The following H3-3A variants were observed in gnomAD, a reference collection of about 807,000 sequenced individuals.
H3-3A encodes H3.3 histone A.
For synonymous variants in H3-3A, 49 were observed against 61.4 expected (o/e 0.80, Z 0.95); for missense variants, 7 against 184.0 (o/e 0.04, Z 5.57).
intron 3 of H3-3A, chr1:226,066,887 G>C (rs546890878): frequency 6.6e-6 from 1 of 152,306 alleles, no homozygotes; most frequent in South Asian, 2.1e-4. Context: ...AATTGGTCGA[G>C]CTGTTTCTAT....
chr1:226,062,672 GGGCGGGGC>G (rs1657765458), upstream of H3-3A: 1 of 152,638 alleles, frequency 6.6e-6, no homozygotes, highest in Non-Finnish European at 1.5e-5. Context: ...CGCGGCGCGG[GGGCGGGGC>G]GGCGTGTGTT....
chr1:226,065,959 A>C, intron 3 of H3-3A, 150 bp downstream of exon 3: 1 of 714,920 alleles, frequency 1.4e-6, no homozygotes, highest in South Asian at 1.6e-5. Context: ...AGAAAGGTTA[A>C]ATTGCTCAAG....
chr1:226,065,217 G>T (rs902597904), intron 2 of H3-3A, among the ~76,000 whole-genome samples: 1 of 152,194 alleles, frequency 6.6e-6, no homozygotes, highest in African/African-American at 2.4e-5. Context: ...CTGGGAAATA[G>T]AACTTGAATG....
At chr1:226,062,652 T>C (rs930390470), upstream of H3-3A, 1 of 141,290 alleles carries the variant, frequency 7.1e-6, no homozygotes, top group Admixed American at 6.9e-5. Context: ...TTGTGTGTGA[T>C]TGGCTGGCGC....
chr1:226,071,202 G>A (rs1445443660), intron 3 of H3-3A, 149 bp from the exon 4 acceptor site: 19 of 611,674 alleles, frequency 3.1e-5, no homozygotes, highest in Non-Finnish European at 4.8e-5. Context: ...CCCACAGGTT[G>A]TAAAATGTAA....
chr1:226,065,969 G>A, intron 3 of H3-3A, 160 bp downstream of exon 3: 1 of 655,404 alleles, frequency 1.5e-6, no homozygotes, highest in Non-Finnish European at 2.8e-6. Context: ...AATTGCTCAA[G>A]GTCATACACG....
In H3-3A at chr1:226,064,329, G is replaced by T. The variant is rs755498165; in HGVS notation, c.-23G>T. On this transcript the variant is annotated splice_region_variant and 5_prime_UTR_variant, in exon 2 of 4. Coordinates refer to ENST00000366815, the MANE Select transcript of H3-3A (RefSeq NM_002107.7). ...ATTTTTGATTTTTCAATGCTGGTAG[G>T]TAAGTAAGGAGGTCTCTGTACCATG... The T allele has an allele frequency of 2.5e-6, 4 of 1,604,514 alleles. No homozygotes were observed. In the African/African-American group the frequency reaches 5.4e-5, roughly 22 times the overall value.
In H3-3A at chr1:226,065,683, T is replaced by A. The variant is rs532021950; in HGVS notation, c.156T>A (p.Ile52=). The A allele has an allele frequency of 1.2e-5, 20 of 1,607,578 alleles. No homozygotes were observed. In the Admixed American group the frequency reaches 3.4e-4, roughly 27 times the overall value. The change falls in exon 3 of 4, where the codon ATT becomes ATA. Residue 52 remains isoleucine (I), a synonymous_variant. Coordinates refer to ENST00000366815, the MANE Select transcript of H3-3A (RefSeq NM_002107.7). The stretch of plus-strand genomic sequence containing the variant: ...CTGGTACTGTGGCGCTCCGTGAAAT[T>A]AGACGTTATCAGAAGTCCACTGAAC... ...YRPGTVALRE[I]RRYQKSTELL... is the part of the protein sequence containing the mutation.
chr1:226,070,556 G>A (rs922070502), intron 3 of H3-3A, among the ~76,000 whole-genome samples: 32 of 152,166 alleles, frequency 2.1e-4, no homozygotes, highest in Admixed American at 1.2e-3. Flanking sequence ...GGTGGATCAC[G>A]AGGTCAGGAG....
chr1:226,069,766 G>T (rs781075871), intron 3 of H3-3A, among the ~76,000 whole-genome samples: 4 of 152,192 alleles, frequency 2.6e-5, no homozygotes, highest in Non-Finnish European at 5.9e-5. Context: ...GGGAGGTGGA[G>T]GTTGCAGTGA....
upstream of H3-3A, chr1:226,062,071 C>T (rs919910657): frequency 3.3e-5 from 5 of 152,212 alleles, no homozygotes; most frequent in African/African-American, 1.2e-4. Context: ...GTCGGTCCGC[C>T]CCTCCCGCTG....
chr1:226,065,099 A>G (rs1238754801), intron 2 of H3-3A, among the ~76,000 whole-genome samples: 1 of 152,214 alleles, frequency 6.6e-6, no homozygotes. Context: ...TCTTGCTGAC[A>G]ATTACTTAGT....
chr1:226,070,121 A>C (rs1156408289), intron 3 of H3-3A, among the ~76,000 whole-genome samples: 2 of 152,218 alleles, frequency 1.3e-5, no homozygotes, highest in Non-Finnish European at 2.9e-5. Flanking sequence ...AAATTGGGGT[A>C]CGTAGAGGAA....
Position 226,064,393 on chromosome 1 carries a change from T to G in H3-3A, c.42T>G (p.Gly14=), listed in dbSNP as rs772383036. ...TKQTARKSTG[G]KAPRKQLATK... is the part of the protein sequence containing the mutation. ...AGACTGCCCGCAAATCGACCGGTGG[T>G]AAAGCACCCAGGAAGCAACTGGCTA... The change falls in exon 2 of 4, where the codon GGT becomes GGG. Residue 14 remains glycine, a synonymous_variant. Transcript: ENST00000366815. 21 of 1,612,070 alleles carry G rather than the reference T, an allele frequency of 1.3e-5. No homozygotes were observed. Among genetic ancestry groups the G allele is most frequent in the Non-Finnish European group, 1.5e-5 (18 of 1,178,424 alleles).
chr1:226,070,429 G>A (rs567801828), intron 3 of H3-3A, among the ~76,000 whole-genome samples: 1 of 150,774 alleles, frequency 6.6e-6, no homozygotes, highest in Non-Finnish European at 1.5e-5. Flanking sequence ...CTGAGATCTT[G>A]CCACTGCACT....
In H3-3A at chr1:226,065,155, A is replaced by G. The variant is rs114372705; in HGVS notation, c.129-501A>G. 5.6e-3 allele frequency among the ~76,000 whole-genome samples: 860 copies of G among 152,354 alleles called. 11 individuals carry two copies. The highest frequency in any genetic ancestry group is 0.018 in the African/African-American group (765 of 41,566). On this transcript the variant is annotated intron_variant, in intron 2 of 3. Coordinates refer to ENST00000366815, the MANE Select transcript of H3-3A (RefSeq NM_002107.7). ...GAAGGAACACTGCACAATCGGGTGT[A>G]TTCAAATTTAATAGTTGATGAGGGG...
intron 2 of H3-3A, 147 bp downstream of exon 2, chr1:226,064,626 T>G: frequency 1.6e-6 from 1 of 611,490 alleles, no homozygotes; most frequent in Non-Finnish European, 2.9e-6. Context: ...TAAATAAATG[T>G]ACTGTATGAT....
chr1:226,065,856 A>G, intron 3 of H3-3A, 47 bp downstream of exon 3: 5 of 1,415,484 alleles, frequency 3.5e-6, no homozygotes, highest in Non-Finnish European at 4.9e-6. Context: ...CCTGTTGTGT[A>G]CCAAGAACAG....
At chr1:226,064,611 C>T (rs1363351524) in intron 2 of H3-3A, 132 bp downstream of exon 2, 3 of 629,628 alleles carry the variant, frequency 4.8e-6, no homozygotes, top group Non-Finnish European at 5.6e-6. Context: ...CACTTAACTA[C>T]TGCTTAAATA....
Sources: gnomAD v4.1 joint callset for allele counts (sites outside exome capture counted in the v4.1 genomes callset) on GRCh38, gnomAD v4.1.1 for gene constraint, MANE v1.5 for transcripts, NCBI Gene and HGNC (gene_info 2026-07-23, HGNC 2026-07-21) for gene names.